Variants in DTWD2 observed in about 807,000 individuals in gnomAD.
DTWD2 encodes the protein tRNA-uridine aminocarboxypropyltransferase 2.
Under a neutral mutation model 31.8 loss-of-function variants are expected in DTWD2, and 39 were observed. The ratio of observed to expected loss-of-function variants is 1.22; its 90% CI spans 0.95 to 1.60. DTWD2 has a LOEUF of 1.60. Ranked by LOEUF, DTWD2 falls within the 40% of genes most tolerant of loss-of-function variation. The pLI, the probability that DTWD2 is intolerant of heterozygous loss-of-function variation, is 0.00. For synonymous variants in DTWD2, 180 were observed against 142.8 expected (o/e 1.26, Z -1.86); for missense variants, 515 against 381.5 (o/e 1.35, Z -2.92).
In DTWD2 at chr5:118,958,584, C is replaced by CA. The variant is rs139781494; in HGVS notation, c.219-13936dup. On this transcript the variant is annotated intron_variant, in intron 1 of 5. Coordinates refer to ENST00000510708, the MANE Select transcript of DTWD2 (RefSeq NM_173666.4). Reference sequence around the variant, plus strand: ...CATTAACACCAACCCCACAGAAAGACAAAAAAAAAAAAAAAAGACTATTAT... The same window carrying CA: ...CATTAACACCAACCCCACAGAAAGACAAAAAAAAAAAAAAAAAGACTATTAT... 5.6e-3 allele frequency among the ~76,000 whole-genome samples: 604 copies of CA among 107,924 alleles called. 4 individuals are homozygous for CA. The highest frequency in any genetic ancestry group is 0.013 in the African/African-American group (397 of 29,742). 70.8% of individuals were successfully genotyped at this position (107,924 alleles called of 152,430 possible).
chr5:118,902,537 T>C (rs1482490429), intron 4 of DTWD2, among the ~76,000 whole-genome samples: 1 of 152,158 alleles, frequency 6.6e-6, no homozygotes, highest in Non-Finnish European at 1.5e-5. Context: ...TAATTATTCT[T>C]CAACATAATT....
At chr5:118,885,860 G>C (rs1752852333) in intron 4 of DTWD2, among the ~76,000 whole-genome samples, 1 of 152,070 alleles carries the variant, frequency 6.6e-6, no homozygotes, top group Admixed American at 6.6e-5. Context: ...AGCTACTTAG[G>C]GGGCTGAGGT....
chr5:118,887,990 C>A (rs1284792700), intron 4 of DTWD2, among the ~76,000 whole-genome samples: 1 of 152,156 alleles, frequency 6.6e-6, no homozygotes, highest in Non-Finnish European at 1.5e-5. Context: ...ATACCATCTG[C>A]AACTGTGCAC....
chr5:118,898,585 G>A (rs895315705), intron 4 of DTWD2, among the ~76,000 whole-genome samples: 5 of 151,278 alleles, frequency 3.3e-5, no homozygotes, highest in African/African-American at 1.2e-4. Context: ...CTTGAACCTG[G>A]GAGGCGGAGG....
At chr5:118,970,903 G>T (rs1182894505) in intron 1 of DTWD2, among the ~76,000 whole-genome samples, 1 of 152,128 alleles carries the variant, frequency 6.6e-6, no homozygotes, top group Non-Finnish European at 1.5e-5. Flanking sequence ...ATAAGCAAGG[G>T]AGAAATAAGA....
At chr5:118,897,781 T>C (rs527288252) in intron 4 of DTWD2, among the ~76,000 whole-genome samples, 4 of 152,356 alleles carry the variant, frequency 2.6e-5, no homozygotes, top group African/African-American at 4.8e-5. Flanking sequence ...AAGGAATCTT[T>C]GTGTAAAACA....
intron 4 of DTWD2, among the ~76,000 whole-genome samples, chr5:118,895,367 C>T (rs1561445647): frequency 6.6e-6 from 1 of 151,964 alleles, no homozygotes. Context: ...AGAGGACATA[C>T]AAAAAAATGG....
chr5:118,939,274 C>T lies in DTWD2; in HGVS notation c.326G>A (p.Arg109His), dbSNP rs375892597. 9.7e-5 allele frequency: 154 copies of T among 1,583,246 alleles called. No homozygotes were observed. The highest frequency in any genetic ancestry group is 2.0e-4 in the Admixed American group (11 of 55,422). The change falls in exon 3 of 6, where the codon CGT (arginine) becomes CAT (histidine). Residue 109 changes from arginine to histidine, a missense_variant. Coordinates refer to ENST00000510708, the MANE Select transcript of DTWD2 (RefSeq NM_173666.4). ...QHPAEENKVL[R>H]TVPLLAACLP... The stretch of plus-strand genomic sequence containing the variant: ...GCATGCTGCTAGTAGAGGAACTGTA[C>T]GCAACACTTTGTTTTCCTTTAATTA...
At chr5:118,927,624 GCTAA>G (rs1753838388) in intron 4 of DTWD2, among the ~76,000 whole-genome samples, 1 of 151,956 alleles carries the variant, frequency 6.6e-6, no homozygotes, top group African/African-American at 2.4e-5. Flanking sequence ...CAACCAATCT[GCTAA>G]CTTAGAGAAA....
chr5:118,980,477 C>G (rs1033578165), intron 1 of DTWD2, among the ~76,000 whole-genome samples: 1 of 152,202 alleles, frequency 6.6e-6, no homozygotes, highest in Non-Finnish European at 1.5e-5. Flanking sequence ...GCTAACTTGT[C>G]CACTTGCAAT....
chr5:118,932,035 T>C (rs1561460562), intron 3 of DTWD2, among the ~76,000 whole-genome samples: 1 of 151,804 alleles, frequency 6.6e-6, no homozygotes, highest in Admixed American at 6.6e-5. Context: ...TAAACGAAAA[T>C]GAAAATACAA....
rs892107940 is a variant in DTWD2, at chr5:118,836,291, A to G, written c.*4626T>C. 6.6e-6 allele frequency among the ~76,000 whole-genome samples: 1 copy of G among 152,090 alleles called. No homozygotes were observed. Among genetic ancestry groups the G allele is most frequent in the African/African-American group, 2.4e-5 (1 of 41,380 alleles). On this transcript the variant is annotated 3_prime_UTR_variant, in exon 6 of 6. Transcript: ENST00000510708. ...TGTCTCACTCTGTCGCCCAGGCTAGAGTGCAGTGGTACATCTCAGCTCACT... is the reference window on the plus strand; with the variant it reads ...TGTCTCACTCTGTCGCCCAGGCTAGGGTGCAGTGGTACATCTCAGCTCACT...
At chr5:118,934,222 C>T (rs1017143965) in intron 3 of DTWD2, among the ~76,000 whole-genome samples, 2 of 134,676 alleles carry the variant, frequency 1.5e-5, no homozygotes, top group Non-Finnish European at 3.1e-5. Context: ...ATCCCTTTAG[C>T]CTAGGAGTTT....
At chr5:118,972,911 C>A (rs1043625086) in intron 1 of DTWD2, among the ~76,000 whole-genome samples, 1 of 152,002 alleles carries the variant, frequency 6.6e-6, no homozygotes, top group Non-Finnish European at 1.5e-5. Flanking sequence ...ATCTGGGTGC[C>A]CCTGTATTGG....
At chr5:118,897,588 G>C (rs1191973554) in intron 4 of DTWD2, among the ~76,000 whole-genome samples, 1 of 152,200 alleles carries the variant, frequency 6.6e-6, no homozygotes, top group Non-Finnish European at 1.5e-5. Flanking sequence ...TCCAAGGAGA[G>C]TAGCCTCCAA....
intron 2 of DTWD2, among the ~76,000 whole-genome samples, chr5:118,943,084 A>AT (rs1172489625): frequency 6.6e-6 from 1 of 152,194 alleles, no homozygotes; most frequent in East Asian, 1.9e-4. Context: ...AATTATAAGC[A>AT]TAAGCCACCG....
intron 4 of DTWD2, among the ~76,000 whole-genome samples, chr5:118,923,237 G>A (rs1468921080): frequency 2.0e-5 from 3 of 152,162 alleles, no homozygotes; most frequent in Admixed American, 1.3e-4. Context: ...AATATCAGGT[G>A]AGGTTTGACA....
intron 4 of DTWD2, among the ~76,000 whole-genome samples, chr5:118,884,996 CAAAAAAA>C (rs36042211): frequency 4.8e-4 from 24 of 49,748 alleles, no homozygotes; most frequent in African/African-American, 7.5e-4. Context: ...ACTCCATCTC[CAAAAAAA>C]AAAAAAAAAA....
In DTWD2 at chr5:118,836,417, T is replaced by G. The variant is rs1313619483; in HGVS notation, c.*4500A>C. Among the ~76,000 whole-genome samples the G allele has an allele frequency of 6.6e-6, 1 of 152,074 alleles. No homozygotes were observed. The highest frequency in any genetic ancestry group is 1.5e-5 in the Non-Finnish European group (1 of 68,016). On this transcript the variant is annotated 3_prime_UTR_variant, in exon 6 of 6. Transcript: ENST00000510708. ...CTACGCCTGGCTAATTTTTGTATTT[T>G]TAGTACAGATGAGGTTTCACCATCT...
Sources: gnomAD v4.1 joint callset for allele counts (sites outside exome capture counted in the v4.1 genomes callset) on GRCh38, gnomAD v4.1.1 for gene constraint, MANE v1.5 for transcripts, NCBI Gene and HGNC (gene_info 2026-07-23, HGNC 2026-07-21) for gene names.